The following UBE2H variants were observed in gnomAD, a reference collection of about 807,000 sequenced individuals.
The protein encoded by UBE2H is ubiquitin conjugating enzyme E2 H.
A neutral mutation model predicts 29.0 loss-of-function variants in UBE2H; 3 were observed. The observed-to-expected ratio is 0.10, with a 90% CI of 0.05 to 0.27. The LOEUF (loss-of-function observed/expected upper bound fraction) is 0.27. Among genes scored for constraint, UBE2H ranks in the 10% least tolerant of loss-of-function variants. UBE2H has a pLI of 1.00. For synonymous variants in UBE2H, 69 were observed against 82.9 expected (o/e 0.83, Z 0.91); for missense variants, 68 against 228.2 (o/e 0.30, Z 4.52).
chr7:129,844,518 ATG>A (rs532671791), intron 5 of UBE2H, among the ~76,000 whole-genome samples: 129 of 152,356 alleles, frequency 8.5e-4, no homozygotes, highest in African/African-American at 3.0e-3. Flanking sequence ...AACGATAAAA[ATG>A]TGTCAGTTCA....
At chr7:129,911,676 T>C (rs1806941295) in intron 1 of UBE2H, among the ~76,000 whole-genome samples, 1 of 152,122 alleles carries the variant, frequency 6.6e-6, no homozygotes, top group African/African-American at 2.4e-5. Context: ...CTCACTCTGT[T>C]GCCCAGGCTG....
At chr7:129,944,817 G>A (rs547545355) in intron 1 of UBE2H, among the ~76,000 whole-genome samples, 52 of 151,382 alleles carry the variant, frequency 3.4e-4, no homozygotes, top group East Asian at 5.8e-4. Context: ...AAAAAAAAGC[G>A]TATATCCATA....
chr7:129,843,310 A>G (rs1001436031), intron 5 of UBE2H, among the ~76,000 whole-genome samples: 1 of 152,070 alleles, frequency 6.6e-6, no homozygotes, highest in Non-Finnish European at 1.5e-5. Context: ...ATTAACAGTA[A>G]TATTAACAGT....
chr7:129,942,813 T>C (rs1287983937), intron 1 of UBE2H, among the ~76,000 whole-genome samples: 1 of 152,124 alleles, frequency 6.6e-6, no homozygotes, highest in Non-Finnish European at 1.5e-5. Context: ...AAATTGCTGT[T>C]TGTGACTATG....
At chr7:129,851,669 C>T (rs186482568) in intron 5 of UBE2H, among the ~76,000 whole-genome samples, 1 of 152,324 alleles carries the variant, frequency 6.6e-6, no homozygotes. Context: ...CTTTCAGAGC[C>T]ATACCCTGGC....
intron 1 of UBE2H, among the ~76,000 whole-genome samples, chr7:129,931,115 G>C (rs1807385364): frequency 6.6e-6 from 1 of 151,980 alleles, no homozygotes; most frequent in African/African-American, 2.4e-5. Flanking sequence ...CTACTTGGGA[G>C]GCTGAGGCAG....
At chr7:129,870,056 A>T (rs981198627) in intron 3 of UBE2H, among the ~76,000 whole-genome samples, 2 of 152,160 alleles carry the variant, frequency 1.3e-5, no homozygotes, top group African/African-American at 4.8e-5. Context: ...AGAAGATGAA[A>T]GCCAATTGGC....
chr7:129,924,953 A>G (rs1807235970), intron 1 of UBE2H, among the ~76,000 whole-genome samples: 1 of 148,808 alleles, frequency 6.7e-6, no homozygotes, highest in African/African-American at 2.5e-5. Context: ...ACTATGAATA[A>G]AAAAAAAAAA....
At chr7:129,851,096 C>T (rs895775708) in intron 5 of UBE2H, among the ~76,000 whole-genome samples, 2 of 152,128 alleles carry the variant, frequency 1.3e-5, no homozygotes, top group African/African-American at 2.4e-5. Context: ...CATTCATTGC[C>T]TAATTGTAGC....
chr7:129,865,167 T>C (rs1805879153), intron 3 of UBE2H: 2 of 345,244 alleles, frequency 5.8e-6, no homozygotes, highest in African/African-American at 2.1e-5. Flanking sequence ...TTGCTTTTGC[T>C]TGTTCCACTC....
chr7:129,920,347 G>C (rs1329293479), intron 1 of UBE2H, among the ~76,000 whole-genome samples: 2 of 152,008 alleles, frequency 1.3e-5, no homozygotes, highest in Non-Finnish European at 2.9e-5. Flanking sequence ...AAACACATAT[G>C]TGCTCAAAAA....
intron 5 of UBE2H, chr7:129,839,682 G>T (rs118110807): frequency 7.7e-6 from 2 of 259,000 alleles, no homozygotes; most frequent in South Asian, 3.9e-5. Context: ...GGTCTTAAAA[G>T]AATTGAAGAC....
chr7:129,874,301 T>A (rs1428174447), intron 3 of UBE2H, among the ~76,000 whole-genome samples: 1 of 150,370 alleles, frequency 6.7e-6, no homozygotes, highest in Non-Finnish European at 1.5e-5. Flanking sequence ...TAATTTTTTT[T>A]ATATATATAA....
chr7:129,931,660 A>G (rs535125432), intron 1 of UBE2H, among the ~76,000 whole-genome samples: 5 of 152,094 alleles, frequency 3.3e-5, no homozygotes, highest in Admixed American at 6.6e-5. Flanking sequence ...TATGTTTTGA[A>G]TGTAATTGGA....
intron 1 of UBE2H, among the ~76,000 whole-genome samples, chr7:129,893,219 T>C (rs1806536619): frequency 6.6e-6 from 1 of 152,180 alleles, no homozygotes. Context: ...TCTTCTCTAG[T>C]GTTATGCTTC....
At chr7:129,932,806 A>T (rs1201330122) in intron 1 of UBE2H, among the ~76,000 whole-genome samples, 1 of 135,726 alleles carries the variant, frequency 7.4e-6, no homozygotes, top group African/African-American at 2.8e-5. Context: ...AAGTCCTGTC[A>T]GAACTGTCTA....
chr7:129,897,479 A>C (rs191637912), intron 1 of UBE2H, among the ~76,000 whole-genome samples: 1 of 152,316 alleles, frequency 6.6e-6, no homozygotes, highest in Admixed American at 6.5e-5. Context: ...TATCAATTTA[A>C]CCTTGATTTC....
At position 129,930,760 on chromosome 7, in the gene UBE2H, T is replaced by C. The variant is rs183943037; in HGVS notation, c.53+21743A>G. Among the ~76,000 whole-genome samples the C allele has an allele frequency of 2.8e-3, 429 of 150,616 alleles. 3 individuals are homozygous for C. Among genetic ancestry groups the C allele is most frequent in the Admixed American group, 5.2e-3 (78 of 15,052 alleles). On this transcript the variant is annotated intron_variant, in intron 1 of 6. Coordinates refer to ENST00000355621, the MANE Select transcript of UBE2H (RefSeq NM_003344.4). ...CATCTCTACTAAAAATACAAAAAAT[T>C]AGCCGGGCATGGTGGTACGCGCCTG...
intron 1 of UBE2H, among the ~76,000 whole-genome samples, chr7:129,897,997 A>T (rs1242133559): frequency 6.6e-6 from 1 of 152,238 alleles, no homozygotes; most frequent in Non-Finnish European, 1.5e-5. Flanking sequence ...AACTTTCAAC[A>T]AAAACTGGAA....
Sources: gnomAD v4.1 joint callset for allele counts (sites outside exome capture counted in the v4.1 genomes callset) on GRCh38, gnomAD v4.1.1 for gene constraint, MANE v1.5 for transcripts, NCBI Gene and HGNC (gene_info 2026-07-23, HGNC 2026-07-21) for gene names.